The following EFHC1 variants were observed in gnomAD, a reference collection of about 807,000 sequenced individuals.
The protein encoded by EFHC1 is EF-hand domain-containing protein 1.
In EFHC1, 53 loss-of-function variants were observed where a neutral mutation model predicts 69.9. The ratio of observed to expected loss-of-function variants is 0.76; its 90% confidence interval spans 0.61 to 0.95. EFHC1 has a LOEUF of 0.95. EFHC1 is among the 40% of genes least tolerant of loss of function. The probability of loss-of-function intolerance (pLI) is 0.00; values close to 1 mark genes in which losing one functional copy is unlikely to be tolerated. For missense variants in EFHC1, 739 were observed against 798.7 expected, an observed-to-expected ratio of 0.93 and a Z score of 0.90; for synonymous variants, 256 against 278.4, an observed-to-expected ratio of 0.92 and a Z score of 0.80.
In EFHC1 at chr6:52,479,091, G is replaced by A. The variant is rs770847993; in HGVS notation, c.1333G>A (p.Ala445Thr). The A allele has an allele frequency of 7.4e-5, 120 of 1,613,962 alleles. No homozygotes were observed. The highest frequency in any genetic ancestry group is 9.2e-5 in the Non-Finnish European group (109 of 1,180,000). The change falls in exon 8 of 11, where the codon GCT becomes ACT. Residue 445 changes from alanine (A) to threonine (T), a missense_variant. Coordinates refer to ENST00000371068, the MANE Select transcript of EFHC1 (RefSeq NM_018100.4). Reference protein sequence around the residue: ...DRRFVFSYFLATDMISIFEPP... With the variant: ...DRRFVFSYFLTTDMISIFEPP... ...CAGATTTGTCTTCTCTTACTTTCTA[G>A]CTACCGACATGATCAGTATCTTTGA...
At chr6:52,471,831 G>A (rs1439188338) in intron 7 of EFHC1, among the ~76,000 whole-genome samples, 1 of 151,948 alleles carries the variant, frequency 6.6e-6, no homozygotes, top group Non-Finnish European at 1.5e-5. Context: ...TTGTGCCACT[G>A]TACTCCAGCC....
Position 52,494,623 on chromosome 6 carries a change from G to A in EFHC1, c.*2282G>A, listed in dbSNP as rs754144601. On this transcript the variant is annotated 3_prime_UTR_variant, in exon 11 of 11. Transcript: ENST00000371068. ...ATTCAGGGGGTACATGTGCAGGTTT[G>A]TTACATGAGTATATTGCACCCAGGT... 7.7e-5 allele frequency: 35 copies of A among 453,988 alleles called. No homozygotes were observed. The highest frequency in any genetic ancestry group is 1.2e-4 in the Non-Finnish European group (27 of 226,798). 28.1% of individuals were successfully genotyped at this position (453,988 alleles called of 1,614,324 possible). A position where few individuals can be genotyped will look rare whatever the true frequency, so the allele number is the denominator to read the frequency against.
intron 9 of EFHC1, chr6:52,484,359 A>G (rs368515882): frequency 1.3e-5 from 2 of 152,212 alleles, no homozygotes; most frequent in South Asian, 2.1e-4. Context: ...TCAAATATTA[A>G]TTTATTTTGA....
At chr6:52,480,514 G>A (rs1765651585) in intron 9 of EFHC1, among the ~76,000 whole-genome samples, 1 of 152,198 alleles carries the variant, frequency 6.6e-6, no homozygotes, top group South Asian at 2.1e-4. Context: ...CTTCCAAGCA[G>A]CAGGAGATAG....
At chr6:52,432,962 T>G (rs1396169952) in intron 2 of EFHC1, among the ~76,000 whole-genome samples, 1 of 152,052 alleles carries the variant, frequency 6.6e-6, no homozygotes, top group African/African-American at 2.4e-5. Flanking sequence ...TTTCTTCTGC[T>G]TGTTTGATTC....
At chr6:52,489,306 T>G (rs1305745577) in intron 9 of EFHC1, 2 of 152,222 alleles carry the variant, frequency 1.3e-5, no homozygotes, top group Admixed American at 1.3e-4. Context: ...GCCGCTGACA[T>G]GGGATCTGGG....
intron 3 of EFHC1, among the ~76,000 whole-genome samples, chr6:52,440,136 C>T (rs1764628547): frequency 6.6e-6 from 1 of 152,072 alleles, no homozygotes; most frequent in African/African-American, 2.4e-5. Flanking sequence ...TTAGTGAATA[C>T]TGAACCACTA....
Position 52,426,884 on chromosome 6 carries a change from C to G in EFHC1, c.285+2717C>G, listed in dbSNP as rs60759803. Among the ~76,000 whole-genome samples the G allele has an allele frequency of 3.8e-3, 573 of 152,294 alleles. 4 individuals are homozygous for G. Among genetic ancestry groups the G allele is most frequent in the African/African-American group, 0.013 (527 of 41,572 alleles). On this transcript the variant is annotated intron_variant, in intron 2 of 10. Transcript: ENST00000371068. The stretch of plus-strand genomic sequence containing the variant: ...CTGTTGTTTTAGTCTCATTCCTAGT[C>G]CTTATGCTTATAACAGGTATGCTGC...
intron 7 of EFHC1, among the ~76,000 whole-genome samples, chr6:52,470,088 G>A (rs1448963061): frequency 2.0e-5 from 3 of 152,118 alleles, no homozygotes; most frequent in Admixed American, 6.5e-5. Context: ...AACATAAATA[G>A]CAGAAGTTGA....
chr6:52,425,830 C>T (rs1764289144), intron 2 of EFHC1, among the ~76,000 whole-genome samples: 1 of 152,132 alleles, frequency 6.6e-6, no homozygotes, highest in South Asian at 2.1e-4. Context: ...CACATAATAG[C>T]CAACATATTT....
intron 5 of EFHC1, among the ~76,000 whole-genome samples, chr6:52,456,185 C>G (rs901942643): frequency 6.6e-5 from 10 of 152,092 alleles, no homozygotes; most frequent in African/African-American, 2.4e-4. Flanking sequence ...GCTAATTCAG[C>G]TTGTATTCTC....
intron 5 of EFHC1, among the ~76,000 whole-genome samples, chr6:52,455,639 G>GTGA (rs1041286037): frequency 2.0e-5 from 3 of 151,172 alleles, no homozygotes; most frequent in African/African-American, 7.3e-5. Context: ...GGGTGACAGA[G>GTGA]TGAGACTCCA....
chr6:52,433,608 G>A (rs966951492), intron 2 of EFHC1, among the ~76,000 whole-genome samples: 3 of 152,156 alleles, frequency 2.0e-5, no homozygotes, highest in African/African-American at 7.2e-5. Context: ...CTCTGTGAGG[G>A]TCCTTAGCCT....
At chr6:52,460,344 G>A (rs2114002848) in intron 5 of EFHC1, among the ~76,000 whole-genome samples, 1 of 152,238 alleles carries the variant, frequency 6.6e-6, no homozygotes, top group East Asian at 1.9e-4. Flanking sequence ...AAGCAAAATA[G>A]ATCAGTGATT....
chr6:52,482,027 C>T (rs1338149985), intron 9 of EFHC1: 1 of 152,086 alleles, frequency 6.6e-6, no homozygotes. Context: ...GGAAAATGTA[C>T]AATTGTTCTG....
chr6:52,491,557 TGTTA>T (rs35572914), intron 10 of EFHC1, among the ~76,000 whole-genome samples: 27,373 of 152,180 alleles, frequency 0.18, 2,895 homozygotes, highest in Non-Finnish European at 0.24. Flanking sequence ...TAAATATGGA[TGTTA>T]GTTCTGAAAT....
At chr6:52,465,860 C>CTA (rs933064960) in intron 6 of EFHC1, among the ~76,000 whole-genome samples, 18 of 147,364 alleles carry the variant, frequency 1.2e-4, no homozygotes, top group Admixed American at 4.8e-4. Flanking sequence ...TAATATCTAT[C>CTA]TATATATATA....
At chr6:52,432,822 A>G (rs1290805392) in intron 2 of EFHC1, among the ~76,000 whole-genome samples, 1 of 152,082 alleles carries the variant, frequency 6.6e-6, no homozygotes, top group East Asian at 1.9e-4. Context: ...AATGCTGATT[A>G]TTCTTAGGTT....
intron 7 of EFHC1, among the ~76,000 whole-genome samples, chr6:52,475,395 A>C (rs1765525417): frequency 6.6e-6 from 1 of 152,234 alleles, no homozygotes; most frequent in African/African-American, 2.4e-5. Context: ...GTTCTGAGAA[A>C]ATAACATGTA....
Sources: gnomAD v4.1 joint callset for allele counts (sites outside exome capture counted in the v4.1 genomes callset) on GRCh38, gnomAD v4.1.1 for gene constraint, MANE v1.5 for transcripts, NCBI Gene and HGNC (gene_info 2026-07-23, HGNC 2026-07-21) for gene names.